The following GAREM1 variants were observed in gnomAD, a reference collection of about 807,000 sequenced individuals.
GAREM1 encodes GRB2 associated regulator of MAPK1 subtype 1.
GAREM1 carries 26 observed loss-of-function variants against 71.3 expected under a neutral mutation model. That is an observed-to-expected ratio of 0.36 (90% CI 0.27 to 0.51). GAREM1 has a LOEUF of 0.51. Ranked by LOEUF, GAREM1 falls within the 20% of genes least tolerant of loss-of-function variation. The pLI, the probability that GAREM1 is intolerant of heterozygous loss-of-function variation, is 0.95. For missense variants in GAREM1, 1,026 were observed against 1,103.1 expected (o/e 0.93, Z 0.99); for synonymous variants, 440 against 433.2 (o/e 1.02, Z -0.20).
At chr18:32,342,636 T>C (rs1175952904) in intron 2 of GAREM1, among the ~76,000 whole-genome samples, 2 of 152,258 alleles carry the variant, frequency 1.3e-5, no homozygotes, top group South Asian at 2.1e-4. Flanking sequence ...TCCAGCAAAA[T>C]TGTCTGATTG....
intron 2 of GAREM1, among the ~76,000 whole-genome samples, chr18:32,351,414 A>G (rs182085554): frequency 3.9e-4 from 59 of 152,282 alleles, no homozygotes; most frequent in Non-Finnish European, 7.6e-4. Flanking sequence ...TCTTGGCCCT[A>G]ACTTAATTCA....
chr18:32,453,998 T>C (rs1005141361), intron 1 of GAREM1, among the ~76,000 whole-genome samples: 1 of 151,952 alleles, frequency 6.6e-6, no homozygotes, highest in Non-Finnish European at 1.5e-5. Context: ...AGTATGAAAA[T>C]TAAGTTATTC....
chr18:32,300,757 T>C (rs1254894566), intron 3 of GAREM1, among the ~76,000 whole-genome samples: 1 of 151,014 alleles, frequency 6.6e-6, no homozygotes, highest in Non-Finnish European at 1.5e-5. Context: ...AAATACAAAA[T>C]TAGCCAGGCA....
chr18:32,270,124 G>T, intron 5 of GAREM1, 93 bp downstream of exon 5: 1 of 1,279,246 alleles, frequency 7.8e-7, no homozygotes, highest in Non-Finnish European at 1.1e-6. Context: ...CCACCACCCT[G>T]CCTGTTAGGG....
intron 2 of GAREM1, among the ~76,000 whole-genome samples, chr18:32,346,029 A>G (rs138140235): frequency 6.6e-6 from 1 of 152,322 alleles, no homozygotes; most frequent in Non-Finnish European, 1.5e-5. Flanking sequence ...GTTCTCCACT[A>G]AACTCAGTCT....
At chr18:32,352,196 G>A (rs1376994248) in intron 2 of GAREM1, among the ~76,000 whole-genome samples, 2 of 152,086 alleles carry the variant, frequency 1.3e-5, no homozygotes, top group South Asian at 2.1e-4. Context: ...AGTCAGTTCT[G>A]CAAAATTTTA....
At chr18:32,374,766 ATCTACCGTG>A (rs2144631657) in intron 2 of GAREM1, among the ~76,000 whole-genome samples, 1 of 152,378 alleles carries the variant, frequency 6.6e-6, no homozygotes, top group African/African-American at 2.4e-5. Context: ...CCATTTAGGT[ATCTACCGTG>A]TACCTGGCAT....
chr18:32,291,840 C>T (rs1333506275), intron 3 of GAREM1, among the ~76,000 whole-genome samples: 3 of 152,194 alleles, frequency 2.0e-5, no homozygotes, highest in Non-Finnish European at 1.5e-5. Flanking sequence ...TTTATGGCTG[C>T]ATAGTATTCC....
intron 3 of GAREM1, among the ~76,000 whole-genome samples, chr18:32,302,821 C>T (rs1398459283): frequency 2.0e-5 from 3 of 152,118 alleles, no homozygotes; most frequent in Non-Finnish European, 4.4e-5. Context: ...ACATTGTATA[C>T]CTGTACTACA....
intron 2 of GAREM1, among the ~76,000 whole-genome samples, chr18:32,344,311 G>A (rs1258047695): frequency 6.6e-6 from 1 of 152,084 alleles, no homozygotes; most frequent in African/African-American, 2.4e-5. Flanking sequence ...CCAAAACTCA[G>A]GAGCTTTCAA....
At chr18:32,455,298 T>G (rs1274142627) in intron 1 of GAREM1, among the ~76,000 whole-genome samples, 1 of 152,084 alleles carries the variant, frequency 6.6e-6, no homozygotes, top group Non-Finnish European at 1.5e-5. Flanking sequence ...GGGGGAAAGG[T>G]AAACAAAATG....
At chr18:32,318,864 A>G (rs2047404949) in intron 2 of GAREM1, among the ~76,000 whole-genome samples, 1 of 152,190 alleles carries the variant, frequency 6.6e-6, no homozygotes, top group African/African-American at 2.4e-5. Flanking sequence ...AATGTTGCTG[A>G]AACCAGCCCA....
chr18:32,361,116 T>C (rs928667364), intron 2 of GAREM1, among the ~76,000 whole-genome samples: 1 of 152,208 alleles, frequency 6.6e-6, no homozygotes, highest in Non-Finnish European at 1.5e-5. Context: ...CTTAGGCAGG[T>C]AGGTGGTTTT....
At chr18:32,467,268 T>C (rs945376462) in intron 1 of GAREM1, among the ~76,000 whole-genome samples, 2 of 152,206 alleles carry the variant, frequency 1.3e-5, no homozygotes, top group African/African-American at 4.8e-5. Flanking sequence ...GCACTTAATT[T>C]GGTGTCTACA....
intron 4 of GAREM1, among the ~76,000 whole-genome samples, chr18:32,282,167 T>G (rs1239614895): frequency 6.6e-6 from 1 of 152,222 alleles, no homozygotes; most frequent in African/African-American, 2.4e-5. Flanking sequence ...ACAGCCATGT[T>G]GCTCACACAA....
chr18:32,316,117 CT>C (rs2144529439), intron 2 of GAREM1, among the ~76,000 whole-genome samples: 1 of 152,226 alleles, frequency 6.6e-6, no homozygotes, highest in South Asian at 2.1e-4. Flanking sequence ...GACAGGAAGA[CT>C]TCAGAATCAC....
chr18:32,353,320 C>T (rs946600326), intron 2 of GAREM1, among the ~76,000 whole-genome samples: 5 of 152,304 alleles, frequency 3.3e-5, no homozygotes, highest in Non-Finnish European at 7.4e-5. Flanking sequence ...TCCAAGTTCT[C>T]GATCCTACTT....
chr18:32,295,262 A>G lies in GAREM1; in HGVS notation c.394-7059T>C, dbSNP rs560573957. ...CATTTTTCACTTCTCTAATACACTC[A>G]TTATATATTATAATAGATTCCTAAA... On this transcript the variant is annotated intron_variant, in intron 3 of 5. Coordinates refer to ENST00000269209, the MANE Select transcript of GAREM1 (RefSeq NM_001242409.2). 4.6e-5 allele frequency among the ~76,000 whole-genome samples: 7 copies of G among 152,200 alleles called. No individual in the cohort carries two copies. In the East Asian group the frequency reaches 1.4e-3, roughly 29 times the overall value.
In GAREM1 at chr18:32,430,953, T is replaced by C. The variant is rs541469145; in HGVS notation, c.122-37918A>G. On this transcript the variant is annotated intron_variant, in intron 1 of 5. Coordinates refer to ENST00000269209, the MANE Select transcript of GAREM1 (RefSeq NM_001242409.2). ...GGGGGTTTCAGAGAGCTAGAAAATG[T>C]CAGGGATATCACAGAGAGAAAGGAG... is the stretch of plus-strand genomic sequence containing the variant. Among the ~76,000 whole-genome samples the C allele has an allele frequency of 3.3e-5, 5 of 152,300 alleles. 1 individual carries two copies. The highest frequency in any genetic ancestry group is 7.4e-5 in the Non-Finnish European group (5 of 68,002).
Sources: allele counts gnomAD v4.1 joint callset (sites outside exome capture counted in the v4.1 genomes callset), GRCh38; gene constraint gnomAD v4.1.1; transcripts MANE v1.5; gene names NCBI Gene and HGNC (gene_info 2026-07-23, HGNC 2026-07-21).